The following TENM2 variants were observed in gnomAD, a reference collection of about 807,000 sequenced individuals.
TENM2 encodes teneurin-2.
Under a neutral mutation model 245.2 loss-of-function variants are expected in TENM2, and 52 were observed. That is an observed-to-expected ratio of 0.21 (90% CI 0.17 to 0.27). TENM2 has a LOEUF of 0.27. TENM2 is among the 10% of genes least tolerant of loss of function. The pLI is 1.00. For synonymous variants in TENM2, 1,363 were observed against 1,438.9 expected, an observed-to-expected ratio of 0.95 and a Z score of 1.19; for missense variants, 3,046 against 3,666.8, an observed-to-expected ratio of 0.83 and a Z score of 4.37.
chr5:167,198,288 A>T, the TENM2 span, among the ~76,000 whole-genome samples: 2 of 152,128 alleles, frequency 1.3e-5, no homozygotes, highest in African/African-American at 4.8e-5. Flanking sequence ...CATATGAAAT[A>T]TCCTGCTTTC....
the TENM2 span, among the ~76,000 whole-genome samples, chr5:167,096,792 T>C: frequency 6.6e-6 from 1 of 152,322 alleles, no homozygotes; most frequent in South Asian, 2.1e-4. Context: ...ATAATAATGA[T>C]ACTAACAGAT....
upstream of TENM2, among the ~76,000 whole-genome samples, chr5:167,282,695 C>G (rs1271122434): frequency 6.6e-6 from 1 of 152,126 alleles, no homozygotes; most frequent in Admixed American, 6.5e-5. Context: ...CACCAGTGGT[C>G]ATGGTAGGAC....
At chr5:167,585,761 C>A (rs1720896396) in intron 2 of TENM2, among the ~76,000 whole-genome samples, 2 of 151,986 alleles carry the variant, frequency 1.3e-5, no homozygotes, top group South Asian at 4.1e-4. Context: ...TTATAGTCAG[C>A]CCTTTGTATC....
At chr5:168,121,787 A>G (rs11747227) in intron 10 of TENM2, among the ~76,000 whole-genome samples, 45,984 of 151,848 alleles carry the variant, frequency 0.3, 7,429 homozygotes, top group East Asian at 0.63. Flanking sequence ...ATTATAGGTT[A>G]AGAACAATTT....
chr5:167,621,420 G>C (rs1234604841), intron 2 of TENM2, among the ~76,000 whole-genome samples: 1 of 152,008 alleles, frequency 6.6e-6, no homozygotes, highest in Non-Finnish European at 1.5e-5. Flanking sequence ...CAAATTCAAA[G>C]ACGCTAAGAT....
chr5:168,252,571 C>A (rs947003460), intron 27 of TENM2, among the ~76,000 whole-genome samples: 2 of 150,014 alleles, frequency 1.3e-5, no homozygotes, highest in Non-Finnish European at 3.0e-5. Context: ...TGGCCAGGCG[C>A]GGTGACTCAC....
At chr5:167,235,377 T>A in the TENM2 span, among the ~76,000 whole-genome samples, 5 of 152,162 alleles carry the variant, frequency 3.3e-5, no homozygotes, top group Admixed American at 1.3e-4. Context: ...AACACTGCCC[T>A]TTTGCTCCCC....
chr5:167,075,969 CTT>C, the TENM2 span, among the ~76,000 whole-genome samples: 1 of 152,170 alleles, frequency 6.6e-6, no homozygotes, highest in South Asian at 2.1e-4. Flanking sequence ...ATAAGCCAGT[CTT>C]TTCCCAGGTT....
chr5:167,975,491 T>C lies in TENM2; in HGVS notation c.948-17453T>C, dbSNP rs561717740. Among the ~76,000 whole-genome samples the C allele has an allele frequency of 4.3e-4, 65 of 152,228 alleles. 1 individual carries two copies. Among genetic ancestry groups the C allele is most frequent in the Non-Finnish European group, 8.2e-4 (56 of 68,026 alleles). On this transcript the variant is annotated intron_variant, in intron 4 of 28. Transcript: ENST00000518659. Reference sequence around the variant, plus strand: ...GACGACTGAAATATATAGATCTGTTTTGTGCATTGTCAGTGGGTATGTGTC... The same window carrying C: ...GACGACTGAAATATATAGATCTGTTCTGTGCATTGTCAGTGGGTATGTGTC...
At chr5:168,074,222 G>C (rs1292123616) in intron 7 of TENM2, among the ~76,000 whole-genome samples, 1 of 151,908 alleles carries the variant, frequency 6.6e-6, no homozygotes, top group Non-Finnish European at 1.5e-5. Context: ...CCATACCAGA[G>C]ACATTCAAAA....
At chr5:167,349,521 T>C (rs1045891249) in intron 1 of TENM2, among the ~76,000 whole-genome samples, 2 of 152,156 alleles carry the variant, frequency 1.3e-5, no homozygotes, top group African/African-American at 4.8e-5. Flanking sequence ...AAATTATTCT[T>C]GTTATTATTG....
rs573611511 is a variant in TENM2 at position 167,364,360 on chromosome 5, A to G, written c.227-10838A>G. ...TTTAAATGAAAATTTTAAATAATTTATTAACTGACAACAATTAGGCAAAGA... is the reference window on the plus strand; with the variant it reads ...TTTAAATGAAAATTTTAAATAATTTGTTAACTGACAACAATTAGGCAAAGA... On this transcript the variant is annotated intron_variant, in intron 1 of 28. Coordinates refer to ENST00000518659, the Ensembl canonical transcript of TENM2. Among the ~76,000 whole-genome samples the G allele has an allele frequency of 3.3e-5, 5 of 152,288 alleles. No individual in the cohort carries two copies. In the South Asian group the frequency reaches 1.0e-3, roughly 32 times the overall value.
the TENM2 span, among the ~76,000 whole-genome samples, chr5:167,205,569 A>G: frequency 1.3e-5 from 2 of 152,170 alleles, no homozygotes; most frequent in African/African-American, 4.8e-5. Context: ...ATGAGAAATA[A>G]TTAGTTCATC....
chr5:166,999,496 T>A, the TENM2 span, among the ~76,000 whole-genome samples: 487 of 152,282 alleles, frequency 3.2e-3, 14 homozygotes, highest in South Asian at 0.058. Flanking sequence ...GAGTCCATGG[T>A]AAAAGATCAT....
At chr5:167,716,717 G>A (rs1217876583) in intron 2 of TENM2, among the ~76,000 whole-genome samples, 1 of 152,068 alleles carries the variant, frequency 6.6e-6, no homozygotes, top group Non-Finnish European at 1.5e-5. Context: ...ATACTAAGCA[G>A]TGGTATTTGG....
intron 2 of TENM2, among the ~76,000 whole-genome samples, chr5:167,418,559 G>A (rs1176741262): frequency 6.6e-6 from 1 of 152,092 alleles, no homozygotes; most frequent in East Asian, 1.9e-4. Flanking sequence ...ACAAGCTCCT[G>A]ACCATACAGC....
chr5:167,262,204 C>T, the TENM2 span, among the ~76,000 whole-genome samples: 1 of 152,016 alleles, frequency 6.6e-6, no homozygotes, highest in Admixed American at 6.6e-5. Flanking sequence ...ACTAAAAATA[C>T]AAAATTAGCC....
In TENM2 at chr5:167,493,845, A is replaced by T. The variant is rs116227265; in HGVS notation, c.502+118372A>T. 4.9e-3 allele frequency among the ~76,000 whole-genome samples: 744 copies of T among 152,244 alleles called. 7 individuals carry two copies. Among genetic ancestry groups the T allele is most frequent in the African/African-American group, 0.017 (695 of 41,560 alleles). ...GTTGACGTGATGTTGTGTTGGAAAA[A>T]GGAATGGCAAACAAACACATAAACA... On this transcript the variant is annotated intron_variant, in intron 2 of 28. Transcript: ENST00000518659.
intron 2 of TENM2, among the ~76,000 whole-genome samples, chr5:167,858,663 G>T (rs1158486002): frequency 6.6e-6 from 1 of 151,476 alleles, no homozygotes; most frequent in Non-Finnish European, 1.5e-5. Context: ...AGCCGGGACA[G>T]TCGCGGCGCT....
Sources: allele counts gnomAD v4.1 joint callset (sites outside exome capture counted in the v4.1 genomes callset), GRCh38; gene constraint gnomAD v4.1.1; transcripts MANE v1.5; gene names NCBI Gene and HGNC (gene_info 2026-07-23, HGNC 2026-07-21).